The following TAS2R1 variants were observed in gnomAD, a reference collection of about 807,000 sequenced individuals.
TAS2R1 encodes taste receptor type 2 member 1.
For synonymous variants in TAS2R1, 141 were observed against 134.2 expected (o/e 1.05, Z -0.35); for missense variants, 370 against 353.4 (o/e 1.05, Z -0.38).
At chr5:9,675,584 T>G (rs1209996877) in intron 1 of TAS2R1, among the ~76,000 whole-genome samples, 1 of 151,904 alleles carries the variant, frequency 6.6e-6, no homozygotes, top group East Asian at 1.9e-4. Context: ...ACCCAGCTAA[T>G]TTTTGTATTT....
At chr5:9,833,752 C>T in the TAS2R1 span, among the ~76,000 whole-genome samples, 52,951 of 152,034 alleles carry the variant, frequency 0.35, 9,400 homozygotes, top group South Asian at 0.39. Flanking sequence ...AGTTGTATCA[C>T]ATGAAACTGC....
rs1439550159 is a variant in TAS2R1 at position 9,628,979 on chromosome 5, G to C, written c.*154C>G. On this transcript the variant is annotated 3_prime_UTR_variant, in exon 1 of 1. Transcript: ENST00000382492. Reference sequence around the variant, plus strand: ...ATCAGTTTAACTGCTTGAAAAAGTAGCATATCCACAGAAATACCTCAGGCT... The same window carrying C: ...ATCAGTTTAACTGCTTGAAAAAGTACCATATCCACAGAAATACCTCAGGCT... 7 of 700,802 alleles carry C rather than the reference G, an allele frequency of 1.0e-5. No individual in the cohort carries two copies. Among genetic ancestry groups the C allele is most frequent in the Admixed American group, 3.3e-5 (1 of 30,616 alleles). The allele number at this position is 700,802 out of a possible 1,614,324, so 43.4% of individuals were successfully genotyped here.
At chr5:9,681,652 T>C (rs746238435) in intron 1 of TAS2R1, among the ~76,000 whole-genome samples, 3 of 152,058 alleles carry the variant, frequency 2.0e-5, no homozygotes, top group Non-Finnish European at 4.4e-5. Flanking sequence ...AAGATTCAGC[T>C]TACTTGCTCC....
the TAS2R1 span, among the ~76,000 whole-genome samples, chr5:9,781,775 GAAT>G: frequency 3.3e-5 from 5 of 152,174 alleles, no homozygotes; most frequent in African/African-American, 1.2e-4. Flanking sequence ...CAAGGAACTT[GAAT>G]AATGCCCTTC....
the TAS2R1 span, among the ~76,000 whole-genome samples, chr5:9,830,618 C>G: frequency 6.6e-6 from 1 of 152,066 alleles, no homozygotes. Context: ...CACACACACA[C>G]ACACACACAC....
rs1739775664 is a variant in TAS2R1 at position 9,627,359 on chromosome 5, T to C, written c.*1774A>G. On this transcript the variant is annotated 3_prime_UTR_variant, in exon 1 of 1. Coordinates refer to ENST00000382492, the MANE Select transcript of TAS2R1 (RefSeq NM_019599.3). ...GTAGACTATGAAAATGTTTTTAGAATTGTTTTATTATGAATTCTTTTTTTA... is the reference window on the plus strand; with the variant it reads ...GTAGACTATGAAAATGTTTTTAGAACTGTTTTATTATGAATTCTTTTTTTA... 6.6e-6 allele frequency among the ~76,000 whole-genome samples: 1 copy of C among 150,646 alleles called. No individual in the cohort carries two copies. Among genetic ancestry groups the C allele is most frequent in the Non-Finnish European group, 1.5e-5 (1 of 68,038 alleles).
chr5:9,774,822 A>G, the TAS2R1 span, among the ~76,000 whole-genome samples: 2,483 of 152,350 alleles, frequency 0.016, 62 homozygotes, highest in African/African-American at 0.054. Flanking sequence ...TGAAGCTGGG[A>G]AAGGTGACAC....
chr5:9,664,462 T>C (rs1740593365), intron 1 of TAS2R1, among the ~76,000 whole-genome samples: 1 of 152,308 alleles, frequency 6.6e-6, no homozygotes, highest in Admixed American at 6.5e-5. Context: ...CAGGCAGCTA[T>C]ATGAACATGT....
chr5:9,720,330 T>G, the TAS2R1 span, among the ~76,000 whole-genome samples: 1 of 152,194 alleles, frequency 6.6e-6, no homozygotes, highest in Admixed American at 6.5e-5. Flanking sequence ...AGCCACAGGG[T>G]GGGCTCACAT....
chr5:9,862,518 T>C, the TAS2R1 span, among the ~76,000 whole-genome samples: 12 of 152,196 alleles, frequency 7.9e-5, no homozygotes, highest in South Asian at 8.3e-4. Context: ...GATAAGGAGA[T>C]TTATAAAGAA....
At chr5:9,782,467 G>A in the TAS2R1 span, among the ~76,000 whole-genome samples, 81 of 151,650 alleles carry the variant, frequency 5.3e-4, no homozygotes, top group African/African-American at 1.7e-3. Context: ...GGGGCGGGGC[G>A]GGGCTGGGGG....
the TAS2R1 span, among the ~76,000 whole-genome samples, chr5:9,874,427 G>C: frequency 6.6e-6 from 1 of 152,108 alleles, no homozygotes; most frequent in Non-Finnish European, 1.5e-5. Flanking sequence ...AAAATGTGTA[G>C]ATCCTAAAAG....
chr5:9,820,934 C>T, the TAS2R1 span, among the ~76,000 whole-genome samples: 4,917 of 152,194 alleles, frequency 0.032, 322 homozygotes, highest in East Asian at 0.28. Context: ...CCATCATCAG[C>T]CTATATCCAC....
At chr5:9,786,157 T>C in the TAS2R1 span, among the ~76,000 whole-genome samples, 1 of 152,168 alleles carries the variant, frequency 6.6e-6, no homozygotes, top group Non-Finnish European at 1.5e-5. Context: ...AGGATGTCAT[T>C]AGGAAAAGGT....
chr5:9,690,232 C>A (rs554251677), intron 1 of TAS2R1, among the ~76,000 whole-genome samples: 2 of 152,160 alleles, frequency 1.3e-5, no homozygotes, highest in African/African-American at 4.8e-5. Context: ...ATATGCCCCC[C>A]AAATATTGAC....
At chr5:9,651,322 G>A (rs985929606) in intron 2 of TAS2R1, among the ~76,000 whole-genome samples, 5 of 152,072 alleles carry the variant, frequency 3.3e-5, no homozygotes, top group Non-Finnish European at 7.4e-5. Context: ...TTAAATGATG[G>A]GGTAATTATT....
chr5:9,729,315 G>A, the TAS2R1 span, among the ~76,000 whole-genome samples: 2 of 7,920 alleles, frequency 2.5e-4, no homozygotes, highest in African/African-American at 1.2e-3. Flanking sequence ...TCACGAATGA[G>A]GGTCTGTCCT....
At chr5:9,788,817 A>T in the TAS2R1 span, among the ~76,000 whole-genome samples, 513 of 152,318 alleles carry the variant, frequency 3.4e-3, 1 homozygote, top group Non-Finnish European at 4.6e-3. Flanking sequence ...AAATGTTTTT[A>T]TTCTAAAACT....
chr5:9,647,731 A>C (rs1740220211), intron 2 of TAS2R1, among the ~76,000 whole-genome samples: 2 of 152,204 alleles, frequency 1.3e-5, no homozygotes, highest in Admixed American at 6.5e-5. Context: ...AGACGCCATG[A>C]TAATATAGAA....
Sources: gnomAD v4.1 joint callset for allele counts (sites outside exome capture counted in the v4.1 genomes callset) on GRCh38, gnomAD v4.1.1 for gene constraint, MANE v1.5 for transcripts, NCBI Gene and HGNC (gene_info 2026-07-23, HGNC 2026-07-21) for gene names.